Variants in PLEKHA5 observed in about 807,000 individuals in gnomAD.
PLEKHA5 encodes pleckstrin homology domain containing A5.
A neutral mutation model predicts 181.9 loss-of-function variants in PLEKHA5; 55 were observed. The observed-to-expected ratio is 0.30, with a 90% CI of 0.24 to 0.38. The LOEUF (loss-of-function observed/expected upper bound fraction) is 0.38, where lower values mean the gene tolerates loss of function less well. Ranked by LOEUF, PLEKHA5 falls within the 10% of genes least tolerant of loss-of-function variation. The pLI is 1.00. For missense variants in PLEKHA5, 1,432 were observed against 1,549.5 expected (o/e 0.92, Z 1.27); for synonymous variants, 535 against 529.4 (o/e 1.01, Z -0.15).
At chr12:19,356,037 C>CACCT (rs1565657439) in intron 26 of PLEKHA5, among the ~76,000 whole-genome samples, 1 of 151,822 alleles carries the variant, frequency 6.6e-6, no homozygotes, top group Non-Finnish European at 1.5e-5. Context: ...TGGTGGCAGG[C>CACCT]ACCTGTAGTC....
chr12:19,172,536 A>G (rs1053783714), intron 3 of PLEKHA5, among the ~76,000 whole-genome samples: 47 of 152,232 alleles, frequency 3.1e-4, no homozygotes, highest in African/African-American at 1.1e-3. Context: ...AATCTGCGCA[A>G]CATCAGTAGT....
At chr12:19,220,197 CTCTTT>C (rs1473508385) in intron 3 of PLEKHA5, among the ~76,000 whole-genome samples, 1 of 114,950 alleles carries the variant, frequency 8.7e-6, no homozygotes, top group Non-Finnish European at 1.7e-5. Context: ...TTGCTTTTTT[CTCTTT>C]TCTTTTTTTT....
chr12:19,170,337 TATAA>T (rs1377655356), intron 3 of PLEKHA5, among the ~76,000 whole-genome samples: 1 of 152,218 alleles, frequency 6.6e-6, no homozygotes, highest in Non-Finnish European at 1.5e-5. Flanking sequence ...ATATTTTGTG[TATAA>T]ATAATAAGAA....
chr12:19,151,680 A>G (rs187643064), intron 3 of PLEKHA5: 169 of 152,250 alleles, frequency 1.1e-3, no homozygotes, highest in African/African-American at 3.9e-3. Flanking sequence ...GACATTTTCC[A>G]AATGTAAACT....
intron 11 of PLEKHA5, among the ~76,000 whole-genome samples, chr12:19,278,585 C>G (rs1373726440): frequency 1.3e-5 from 2 of 152,074 alleles, no homozygotes; most frequent in Non-Finnish European, 2.9e-5. Flanking sequence ...AGGGCAGTCT[C>G]TTTGATGGAG....
At chr12:19,251,978 C>A (rs1490973245) in intron 3 of PLEKHA5, among the ~76,000 whole-genome samples, 1 of 152,052 alleles carries the variant, frequency 6.6e-6, no homozygotes, top group Non-Finnish European at 1.5e-5. Context: ...GTGTCAAGTG[C>A]TGTATCTATT....
chr12:19,341,594 A>T (rs1426748700), intron 21 of PLEKHA5, among the ~76,000 whole-genome samples: 1 of 151,732 alleles, frequency 6.6e-6, no homozygotes, highest in African/African-American at 2.4e-5. Context: ...AAAACTAGAT[A>T]ACTTAGGTTA....
intron 29 of PLEKHA5, among the ~76,000 whole-genome samples, chr12:19,365,339 C>T (rs1400699725): frequency 2.0e-5 from 3 of 149,412 alleles, no homozygotes; most frequent in African/African-American, 2.5e-5. Context: ...GCACTCCAGC[C>T]TGGGCGACAG....
At chr12:19,273,633 G>A (rs919265887) in intron 10 of PLEKHA5, among the ~76,000 whole-genome samples, 6 of 152,264 alleles carry the variant, frequency 3.9e-5, no homozygotes, top group African/African-American at 1.4e-4. Flanking sequence ...GTCTGGAAGT[G>A]ATTAGGCTCA....
intron 23 of PLEKHA5, among the ~76,000 whole-genome samples, chr12:19,346,328 CT>C (rs200876121): frequency 6.6e-5 from 10 of 150,404 alleles, no homozygotes; most frequent in South Asian, 6.3e-4. Context: ...AAAGAGGTAA[CT>C]TTTTTTTTTC....
intron 3 of PLEKHA5, among the ~76,000 whole-genome samples, chr12:19,199,387 G>T (rs533334133): frequency 1.3e-5 from 2 of 152,258 alleles, no homozygotes; most frequent in Admixed American, 1.3e-4. Flanking sequence ...ATGACTGATT[G>T]TCAGTGTGTT....
At chr12:19,296,546 CA>C (rs34063103) in intron 15 of PLEKHA5, among the ~76,000 whole-genome samples, 27,629 of 139,662 alleles carry the variant, frequency 0.2, 2,875 homozygotes, top group East Asian at 0.34. Context: ...GACTCTATCT[CA>C]AAAAAAAAAA....
chr12:19,157,097 T>TACACACACACACACACACACAC (rs3056384), intron 3 of PLEKHA5, among the ~76,000 whole-genome samples: 5 of 143,292 alleles, frequency 3.5e-5, no homozygotes, highest in East Asian at 4.2e-4. Context: ...TATATGTACA[T>TACACACACACACACACACACAC]ACACACACAC....
At chr12:19,351,114 A>C (rs2094573076) in intron 25 of PLEKHA5, among the ~76,000 whole-genome samples, 1 of 151,572 alleles carries the variant, frequency 6.6e-6, no homozygotes. Flanking sequence ...TTTTGTATTT[A>C]TTGTAGAGAC....
intron 3 of PLEKHA5, among the ~76,000 whole-genome samples, chr12:19,146,179 C>G (rs964095716): frequency 1.3e-5 from 2 of 152,302 alleles, no homozygotes; most frequent in Non-Finnish European, 1.5e-5. Flanking sequence ...AATTATTTAT[C>G]CTTACTTATA....
chr12:19,171,095 A>G (rs1387403742), intron 3 of PLEKHA5, among the ~76,000 whole-genome samples: 3 of 152,134 alleles, frequency 2.0e-5, no homozygotes, highest in African/African-American at 4.8e-5. Flanking sequence ...CCCATCCCCT[A>G]TTTCAGAGAA....
Position 19,130,467 on chromosome 12 carries a change from C to T in PLEKHA5, c.169+337C>T, listed in dbSNP as rs937576212. ...CTGAAACCTGGAGTCCTGAGTTTTT[C>T]CTCCGCGGCCGCTACTCACTCCCCG... On this transcript the variant is annotated intron_variant, in intron 2 of 31. Transcript: ENST00000429027. This position sits in a 1 kb window ranked among gnomAD's most constrained non-coding sequence, Gnocchi z 4.5. Among the ~76,000 whole-genome samples the T allele has an allele frequency of 2.0e-5, 3 of 151,756 alleles. No individual in the cohort carries two copies. The highest frequency in any genetic ancestry group is 4.4e-5 in the Non-Finnish European group (3 of 67,878).
chr12:19,222,880 T>C (rs1446225923), intron 3 of PLEKHA5, among the ~76,000 whole-genome samples: 1 of 152,128 alleles, frequency 6.6e-6, no homozygotes, highest in Non-Finnish European at 1.5e-5. Context: ...GCCAGTTTGC[T>C]TTAATTTTGG....
chr12:19,274,850 G>C lies in PLEKHA5; in HGVS notation c.1180G>C (p.Gly394Arg). The C allele has an allele frequency of 6.2e-7, 1 of 1,614,136 alleles. No homozygotes were observed. The highest frequency in any genetic ancestry group is 8.5e-7 in the Non-Finnish European group (1 of 1,180,032). Reference protein sequence around the residue: ...IVNVSLADLRGGNRPNTGPLY... With the variant: ...IVNVSLADLRRGNRPNTGPLY... ...CAATGTTAGCCTGGCAGATCTTAGA[G>C]GTGGAAATCGCCCCAATACAGGGCC... The change falls in exon 11 of 32, where the codon GGT becomes CGT. Residue 394 changes from glycine (G) to arginine (R), a missense_variant. Around this residue, in one of 2 missense-constraint regions of PLEKHA5, gnomAD observed 1,143 missense variants for 1,168.4 expected, o/e 0.98. Coordinates refer to ENST00000429027, the MANE Select transcript of PLEKHA5 (RefSeq NM_001256470.2).
Sources: allele counts gnomAD v4.1 joint callset (sites outside exome capture counted in the v4.1 genomes callset), GRCh38; gene constraint gnomAD v4.1.1; regional missense constraint gnomAD v4.1.1; non-coding constraint Gnocchi (gnomAD v3.1); transcripts MANE v1.5; gene names NCBI Gene and HGNC (gene_info 2026-07-23, HGNC 2026-07-21).